Variants in PRKCA observed in about 807,000 individuals in gnomAD.
PRKCA encodes the protein protein kinase C alpha.
PRKCA carries 27 observed loss-of-function variants against 87.0 expected under a neutral mutation model. The observed-to-expected ratio is 0.31, with a 90% CI of 0.23 to 0.43. PRKCA has a LOEUF of 0.43. PRKCA is among the 20% of genes least tolerant of loss of function. The probability of loss-of-function intolerance (pLI) is 1.00; values close to 1 mark genes in which losing one functional copy is unlikely to be tolerated. For missense variants in PRKCA, 518 were observed against 852.3 expected (o/e 0.61, Z 4.88); for synonymous variants, 329 against 311.1 (o/e 1.06, Z -0.61).
At chr17:66,777,547 G>C in intron 14 of PRKCA, 1 of 984,364 alleles carries the variant, frequency 1.0e-6, no homozygotes. Flanking sequence ...GGAGTTGTCT[G>C]CTCCTCAAGT....
intron 3 of PRKCA, among the ~76,000 whole-genome samples, chr17:66,562,215 A>G (rs61450502): frequency 0.08 from 9,816 of 122,712 alleles, 1,189 homozygotes; most frequent in Middle Eastern, 0.15. Context: ...ATATAATTAA[A>G]TTATATATAA....
chr17:66,508,041 C>A (rs1305803624), intron 3 of PRKCA, among the ~76,000 whole-genome samples: 5 of 152,152 alleles, frequency 3.3e-5, no homozygotes, highest in African/African-American at 1.2e-4. Flanking sequence ...GGATCATGAG[C>A]CAGAACCAAT....
At chr17:66,512,683 G>A (rs16959409) in intron 3 of PRKCA, among the ~76,000 whole-genome samples, 21,194 of 151,824 alleles carry the variant, frequency 0.14, 1,778 homozygotes, top group East Asian at 0.3. Context: ...TGCCTCCTTC[G>A]AGAGCCTTTT....
intron 5 of PRKCA, among the ~76,000 whole-genome samples, chr17:66,659,790 G>A (rs979473792): frequency 2.6e-5 from 4 of 152,230 alleles, no homozygotes; most frequent in South Asian, 2.1e-4. Context: ...GCTGGGGTCC[G>A]TGCACCCCAT....
chr17:66,514,591 G>A (rs780759198), intron 3 of PRKCA, among the ~76,000 whole-genome samples: 1 of 152,080 alleles, frequency 6.6e-6, no homozygotes, highest in Non-Finnish European at 1.5e-5. Context: ...GTTTCTGTGC[G>A]GGACCCGGCC....
At chr17:66,761,706 G>A (rs775102422) in intron 13 of PRKCA, among the ~76,000 whole-genome samples, 6 of 151,910 alleles carry the variant, frequency 3.9e-5, no homozygotes, top group Non-Finnish European at 7.4e-5. Context: ...TTACAAATGT[G>A]AGCCACTGTG....
chr17:66,634,170 G>A lies in PRKCA; in HGVS notation c.289-7185G>A, dbSNP rs1430374733. Among the ~76,000 whole-genome samples, 6 of 152,090 alleles carry A rather than the reference G, an allele frequency of 3.9e-5. No individual in the cohort carries two copies. In the East Asian group the frequency reaches 5.8e-4, roughly 15 times the overall value. ...ACTAAGAAATGAGAAACAGGCCAGC[G>A]GATGCTTTCAATAGAATTTGAATTT... On this transcript the variant is annotated intron_variant, in intron 3 of 16. Transcript: ENST00000413366.
intron 5 of PRKCA, among the ~76,000 whole-genome samples, chr17:66,657,065 T>G (rs1264342811): frequency 6.6e-6 from 1 of 152,212 alleles, no homozygotes; most frequent in South Asian, 2.1e-4. Context: ...CGTTTCCAAT[T>G]GGAAAGATTC....
At chr17:66,325,903 T>C (rs1905953012) in intron 2 of PRKCA, among the ~76,000 whole-genome samples, 1 of 152,144 alleles carries the variant, frequency 6.6e-6, no homozygotes, top group Non-Finnish European at 1.5e-5. Context: ...AACTGGACTT[T>C]TGTGTAAAGT....
intron 2 of PRKCA, among the ~76,000 whole-genome samples, chr17:66,476,263 G>A (rs188932337): frequency 6.2e-4 from 95 of 152,322 alleles, no homozygotes; most frequent in African/African-American, 2.2e-3. Flanking sequence ...ACCTTTAGAT[G>A]TACGTGGTCA....
chr17:66,663,245 G>A (rs1017835090), intron 5 of PRKCA, among the ~76,000 whole-genome samples: 12 of 152,206 alleles, frequency 7.9e-5, no homozygotes, highest in Non-Finnish European at 1.5e-4. Context: ...CTAGAAAGAA[G>A]GTTGGTGTCA....
At position 66,437,558 on chromosome 17, in the gene PRKCA, A is replaced by T. The variant is rs546096332; in HGVS notation, c.206-58643A>T. Reference sequence around the variant, plus strand: ...AGAATTTGCTTTTTCTCACTGACAGATAGGGTGTCTTTTGGTGGGAGCAGA... The same window carrying T: ...AGAATTTGCTTTTTCTCACTGACAGTTAGGGTGTCTTTTGGTGGGAGCAGA... On this transcript the variant is annotated intron_variant, in intron 2 of 16. Transcript: ENST00000413366. 9.2e-5 allele frequency among the ~76,000 whole-genome samples: 14 copies of T among 152,168 alleles called. No individual in the cohort carries two copies. In the East Asian group the frequency reaches 2.3e-3, roughly 25 times the overall value.
At chr17:66,772,594 A>T (rs1391134956) in intron 13 of PRKCA, among the ~76,000 whole-genome samples, 3 of 152,128 alleles carry the variant, frequency 2.0e-5, no homozygotes, top group Non-Finnish European at 4.4e-5. Flanking sequence ...TTGACCTTGA[A>T]TCCTGGCATG....
chr17:66,473,434 T>C (rs915275939), intron 2 of PRKCA, among the ~76,000 whole-genome samples: 7 of 152,286 alleles, frequency 4.6e-5, no homozygotes, highest in African/African-American at 1.7e-4. Flanking sequence ...ACACCTGGAC[T>C]CCAGCCCTTC....
intron 8 of PRKCA, among the ~76,000 whole-genome samples, chr17:66,694,851 T>C (rs1972877768): frequency 6.6e-6 from 1 of 152,158 alleles, no homozygotes; most frequent in African/African-American, 2.4e-5. Context: ...CTTATTGTCA[T>C]TTGCATTTCA....
chr17:66,768,863 G>A (rs559599797), intron 13 of PRKCA, among the ~76,000 whole-genome samples: 1 of 152,298 alleles, frequency 6.6e-6, no homozygotes, highest in African/African-American at 2.4e-5. Context: ...AACCATATTG[G>A]GAGGTAAGTA....
intron 14 of PRKCA, chr17:66,777,617 A>G (rs2144347228): frequency 1.0e-5 from 10 of 985,186 alleles, no homozygotes; most frequent in Non-Finnish European, 1.1e-5. Context: ...CAGGCCCCCT[A>G]AGAGTCCTGC....
intron 2 of PRKCA, among the ~76,000 whole-genome samples, chr17:66,369,642 C>A (rs1567793916): frequency 6.6e-6 from 1 of 152,190 alleles, no homozygotes; most frequent in Non-Finnish European, 1.5e-5. Context: ...CATTGCTGAG[C>A]AATAAGCAAT....
chr17:66,800,547 G>A (rs1450514224), intron 16 of PRKCA, among the ~76,000 whole-genome samples: 1 of 152,204 alleles, frequency 6.6e-6, no homozygotes, highest in East Asian at 1.9e-4. Context: ...TCAGTGGGGA[G>A]GTTTCTGTGG....
Sources: allele counts gnomAD v4.1 joint callset (sites outside exome capture counted in the v4.1 genomes callset), GRCh38; gene constraint gnomAD v4.1.1; transcripts MANE v1.5; gene names NCBI Gene and HGNC (gene_info 2026-07-23, HGNC 2026-07-21).